Variants in CDON observed in about 807,000 individuals in gnomAD.
The protein encoded by CDON is cell adhesion associated, oncogene regulated.
CDON carries 73 observed loss-of-function variants against 120.9 expected under a neutral mutation model. The ratio of observed to expected loss-of-function variants is 0.60; its 90% CI spans 0.50 to 0.73. The LOEUF is 0.73. CDON is among the 30% of genes least tolerant of loss of function. The probability of loss-of-function intolerance (pLI) is 0.00; values close to 1 mark genes in which losing one functional copy is unlikely to be tolerated. For synonymous variants in CDON, 566 were observed against 573.5 expected (o/e 0.99, Z 0.19); for missense variants, 1,470 against 1,587.3 (o/e 0.93, Z 1.26).
intron 18 of CDON, among the ~76,000 whole-genome samples, chr11:125,963,010 A>AT (rs1024064556): frequency 6.6e-5 from 10 of 151,918 alleles, no homozygotes; most frequent in African/African-American, 2.2e-4. Context: ...ATATATAATA[A>AT]TTTTTTTTAA....
Position 126,010,697 on chromosome 11 carries a change from A to C in CDON, c.1199-3T>G. On this transcript the variant is annotated splice_polypyrimidine_tract_variant and splice_region_variant and intron_variant, in intron 7 of 19. Coordinates refer to ENST00000531738, the MANE Select transcript of CDON (RefSeq NM_001378964.1). ...TATAACTGGCTTGAATCCACCGTCT[A>C]TTAAAAAAGTAATTCACATATGAAA... 6.2e-7 allele frequency: 1 copy of C among 1,611,576 alleles called. No individual in the cohort carries two copies. The highest frequency in any genetic ancestry group is 8.5e-7 in the Non-Finnish European group (1 of 1,177,800).
chr11:126,004,238 GA>G, intron 9 of CDON, 162 bp from the exon 10 acceptor site: 1 of 727,062 alleles, frequency 1.4e-6, no homozygotes, highest in Non-Finnish European at 2.3e-6. Flanking sequence ...TTCATATTAA[GA>G]AATAGAAGAT....
At chr11:126,046,038 C>T (rs906312809) in intron 1 of CDON, among the ~76,000 whole-genome samples, 11 of 151,998 alleles carry the variant, frequency 7.2e-5, no homozygotes, top group African/African-American at 2.7e-4. Context: ...TAGCAAAATA[C>T]AGAATATTAT....
At position 125,997,356 on chromosome 11, in the gene CDON, T is replaced by C. The variant is rs149325046; in HGVS notation, c.2213A>G (p.Tyr738Cys). 2.0e-5 allele frequency: 32 copies of C among 1,613,978 alleles called. No homozygotes were observed. The highest frequency in any genetic ancestry group is 1.5e-4 in the African/African-American group (11 of 75,036). The change falls in exon 12 of 20, where the codon TAT (tyrosine) becomes TGT (cysteine). Residue 738 changes from tyrosine to cysteine, a missense_variant. By Grantham distance (194) the Tyr-to-Cys change is radical. Coordinates refer to ENST00000531738, the MANE Select transcript of CDON (RefSeq NM_001378964.1). Reference protein sequence around the residue: ...TISTASETSVYVTWIPRANGG... With the variant: ...TISTASETSVCVTWIPRANGG... The stretch of plus-strand genomic sequence containing the variant: ...GTTTGCCCGAGGAATCCAAGTGACA[T>C]AGACTGATGTCTCTGATGCAGTGGA...
At chr11:126,042,112 G>C (rs564082114) in intron 1 of CDON, among the ~76,000 whole-genome samples, 1 of 152,120 alleles carries the variant, frequency 6.6e-6, no homozygotes, top group Non-Finnish European at 1.5e-5. Context: ...TCGAACTCCC[G>C]ACCTTAGGTG....
At chr11:126,044,750 G>T (rs142368002) in intron 1 of CDON, among the ~76,000 whole-genome samples, 1,948 of 152,232 alleles carry the variant, frequency 0.013, 38 homozygotes, top group African/African-American at 0.044. Flanking sequence ...CAGAAGGGCA[G>T]CAGGGAGGTG....
chr11:126,046,356 G>A lies in CDON; in HGVS notation c.-62+16223C>T, dbSNP rs547357672. Among the ~76,000 whole-genome samples the A allele has an allele frequency of 2.0e-5, 3 of 152,232 alleles. No individual in the cohort carries two copies. The South Asian group carries it at 6.2e-4, about 32-fold the overall frequency. The stretch of plus-strand genomic sequence containing the variant: ...AAGTCCAGGCATTTCTAGAGCTGTG[G>A]TACAATGTTTTCTCCTGCATACATG... On this transcript the variant is annotated intron_variant, in intron 1 of 19. Transcript: ENST00000531738.
rs371911236 is a variant in CDON, at chr11:125,958,565, A to ATATATATATATATATATGTG, written c.*2376_*2377insCACATATATATATATATATA. On this transcript the variant is annotated 3_prime_UTR_variant, in exon 20 of 20. Transcript: ENST00000531738. ...AAGGCAATTATATATATATATATAT[A>ATATATATATATATATATGTG]TGTGTGTGTGTGTGTGTGTGTGTGT... is the stretch of plus-strand genomic sequence containing the variant. 1 of 130,084 alleles carries ATATATATATATATATATGTG rather than the reference A, an allele frequency of 7.7e-6. No homozygotes were observed. The highest frequency in any genetic ancestry group is 1.6e-5 in the Non-Finnish European group (1 of 62,376). The allele number at this position is 130,084 out of a possible 1,614,324, so 8.1% of individuals were successfully genotyped here. A position where few individuals can be genotyped will look rare whatever the true frequency, so the allele number is the denominator to read the frequency against.
intron 1 of CDON, 48 bp downstream of exon 1, chr11:126,062,531 C>G: frequency 6.6e-6 from 1 of 152,532 alleles, no homozygotes; most frequent in Non-Finnish European, 1.5e-5. Context: ...CCAGTGCCCG[C>G]GCGCCACCCC....
chr11:125,983,025 T>C (rs1946358489), intron 16 of CDON, among the ~76,000 whole-genome samples: 1 of 152,192 alleles, frequency 6.6e-6, no homozygotes, highest in South Asian at 2.1e-4. Flanking sequence ...GAGTACTTTC[T>C]TCCCCCAGAA....
Position 126,043,544 on chromosome 11 carries a change from C to T in CDON, c.-62+19035G>A, listed in dbSNP as rs77870459. Among the ~76,000 whole-genome samples the T allele has an allele frequency of 5.3e-3, 804 of 152,254 alleles. 5 individuals carry two copies. Among genetic ancestry groups the T allele is most frequent in the African/African-American group, 0.018 (742 of 41,534 alleles). On this transcript the variant is annotated intron_variant, in intron 1 of 19. Transcript: ENST00000531738. ...GGACCCTCTACCAGTGACATTGTTA[C>T]CAATCCTCAAACAAACTTAAGGATA... is the stretch of plus-strand genomic sequence containing the variant.
intron 14 of CDON, 84 bp from the exon 15 acceptor site, chr11:125,989,843 G>A: frequency 4.6e-6 from 6 of 1,314,080 alleles, no homozygotes; most frequent in Middle Eastern, 2.1e-4. Flanking sequence ...TCAGGATGAG[G>A]CTGGAGCAGC....
rs189909997 is a variant in CDON, at chr11:126,019,784, C to T, written c.350-19G>A. On this transcript the variant is annotated intron_variant, in intron 3 of 19. Transcript: ENST00000531738. Reference sequence around the variant, plus strand: ...CCAAGAACTGAAATATATAAGGAAACAGATAAATAAATACATGCAAATTTG... The same window carrying T: ...CCAAGAACTGAAATATATAAGGAAATAGATAAATAAATACATGCAAATTTG... 1,514 of 1,597,630 alleles carry T rather than the reference C, an allele frequency of 9.5e-4. 11 individuals are homozygous for T. The highest frequency in any genetic ancestry group is 8.2e-3 in the South Asian group (740 of 90,708).
chr11:125,966,818 T>A (rs1240719467), intron 18 of CDON, among the ~76,000 whole-genome samples: 1 of 151,886 alleles, frequency 6.6e-6, no homozygotes, highest in Non-Finnish European at 1.5e-5. Context: ...AACAGAATAA[T>A]GTCTTTAAAG....
chr11:125,995,163 G>T, intron 12 of CDON, 111 bp from the exon 13 acceptor site: 1 of 877,708 alleles, frequency 1.1e-6, no homozygotes, highest in Non-Finnish European at 1.9e-6. Flanking sequence ...TTGTGCTGAA[G>T]TACCTATCTA....
At chr11:126,033,053 A>G (rs1446245579) in intron 1 of CDON, among the ~76,000 whole-genome samples, 1 of 152,046 alleles carries the variant, frequency 6.6e-6, no homozygotes, top group East Asian at 1.9e-4. Context: ...AAAAGAATAG[A>G]CCACTAGGAC....
chr11:125,981,970 C>CTTTTCTTTTT (rs1946320852), intron 16 of CDON, among the ~76,000 whole-genome samples: 1 of 54,290 alleles, frequency 1.8e-5, no homozygotes, highest in Non-Finnish European at 3.1e-5. Flanking sequence ...ATTCTATTTT[C>CTTTTCTTTTT]TTTTTTTTTT....
At chr11:126,026,007 C>T (rs1215220880) in intron 1 of CDON, among the ~76,000 whole-genome samples, 1 of 152,192 alleles carries the variant, frequency 6.6e-6, no homozygotes, top group Non-Finnish European at 1.5e-5. Flanking sequence ...TCTGGTGACA[C>T]AACTGTGACC....
Position 125,961,980 on chromosome 11 carries a change from G to A in CDON, c.3375C>T (p.Asn1125=), listed in dbSNP as rs572545467. 1.2e-5 allele frequency: 20 copies of A among 1,614,184 alleles called. No homozygotes were observed. The East Asian group carries it at 3.8e-4, about 31-fold the overall frequency. Residue 1125 remains asparagine, a synonymous_variant, in exon 19 of 20, where the codon AAC becomes AAT. Transcript: ENST00000531738. ...GAGGAGGGCTGCTGCTGAAAGTGCT[G>A]TTGGTTTTGGTGAAACACCTGCAGA... ...RNNNRCFTKT[N]STFSSSPPPV...
Sources: gnomAD v4.1 joint callset for allele counts (sites outside exome capture counted in the v4.1 genomes callset) on GRCh38, gnomAD v4.1.1 for gene constraint, MANE v1.5 for transcripts, NCBI Gene and HGNC (gene_info 2026-07-23, HGNC 2026-07-21) for gene names.